Variants in ESR2 observed in about 807,000 individuals in gnomAD.
ESR2 encodes the protein estrogen receptor beta.
ESR2 carries 36 observed loss-of-function variants against 49.6 expected under a neutral mutation model. The ratio of observed to expected loss-of-function variants is 0.73; its 90% CI spans 0.56 to 0.96. ESR2 has a LOEUF of 0.96. ESR2 is among the 40% of genes least tolerant of loss of function. The pLI is 0.00. For missense variants in ESR2, 714 were observed against 693.0 expected, an observed-to-expected ratio of 1.03 and a Z score of -0.34; for synonymous variants, 320 against 266.1, an observed-to-expected ratio of 1.20 and a Z score of -1.97.
intron 1 of ESR2, among the ~76,000 whole-genome samples, chr14:64,326,245 T>G (rs2077388664): frequency 6.6e-6 from 1 of 152,090 alleles, no homozygotes. Context: ...ATCTTCTCTT[T>G]TTATTCTTTT....
intron 1 of ESR2, among the ~76,000 whole-genome samples, chr14:64,317,788 C>T (rs1444093758): frequency 2.6e-5 from 4 of 152,084 alleles, no homozygotes; most frequent in Non-Finnish European, 5.9e-5. Flanking sequence ...ACAGAAAAAG[C>T]ATGACAAAAT....
At position 64,257,287 on chromosome 14, in the gene ESR2, T is replaced by C; in HGVS notation, c.1030A>G (p.Met344Val). Residue 344 changes from methionine to valine, a missense_variant, in exon 6 of 9, where the codon ATG (methionine) becomes GTG (valine). Coordinates refer to ENST00000341099, the MANE Select transcript of ESR2 (RefSeq NM_001437.3). ...CCGGGGTGGTCAATTGAGCGCCACATCAGCCCCATCATTAACACCTCCATC... is the reference window on the plus strand; with the variant it reads ...CCGGGGTGGTCAATTGAGCGCCACACCAGCCCCATCATTAACACCTCCATC... Reference protein sequence around the residue: ...CWMEVLMMGLMWRSIDHPGKL... With the variant: ...CWMEVLMMGLVWRSIDHPGKL... 1 of 1,614,116 alleles carries C rather than the reference T, an allele frequency of 6.2e-7. No homozygotes were observed. Among genetic ancestry groups the C allele is most frequent in the Non-Finnish European group, 8.5e-7 (1 of 1,180,020 alleles).
At chr14:64,242,622 T>A (rs1019053807) in intron 7 of ESR2, among the ~76,000 whole-genome samples, 1 of 151,674 alleles carries the variant, frequency 6.6e-6, no homozygotes, top group African/African-American at 2.4e-5. Context: ...AAAAAAAAAA[T>A]TTAGAGAACT....
At chr14:64,288,638 G>A (rs1399046332) in intron 1 of ESR2, among the ~76,000 whole-genome samples, 4 of 149,756 alleles carry the variant, frequency 2.7e-5, no homozygotes, top group South Asian at 2.3e-4. Context: ...ATGAGCCACC[G>A]TGCCAGCCAA....
intron 3 of ESR2, 77 bp from the exon 4 acceptor site, chr14:64,268,988 A>C (rs1479390316): frequency 1.2e-6 from 1 of 855,164 alleles, no homozygotes. Context: ...AACAACACTG[A>C]TAACACTTTC....
intron 1 of ESR2, among the ~76,000 whole-genome samples, chr14:64,300,426 G>A (rs1457859437): frequency 2.0e-5 from 3 of 152,110 alleles, no homozygotes; most frequent in African/African-American, 7.2e-5. Flanking sequence ...ACTCAAGGGA[G>A]AAAATTCTTA....
chr14:64,327,364 C>T (rs564047050), intron 1 of ESR2, among the ~76,000 whole-genome samples: 6 of 151,710 alleles, frequency 4.0e-5, no homozygotes, highest in African/African-American at 1.5e-4. Flanking sequence ...AATTCGAGAC[C>T]AGCCTGGCCA....
chr14:64,228,792 A>C lies in ESR2; in HGVS notation c.*4345T>G, dbSNP rs567017333. 5.9e-5 allele frequency among the ~76,000 whole-genome samples: 9 copies of C among 152,192 alleles called. No individual in the cohort carries two copies. Among genetic ancestry groups the C allele is most frequent in the Non-Finnish European group, 1.3e-4 (9 of 68,046 alleles). On this transcript the variant is annotated 3_prime_UTR_variant, in exon 9 of 9. Transcript: ENST00000341099. ...AAGTGAATAGGATCCTCGGAATTAA[A>C]AAACAAACAAACAAACAAACAAAAA... is the stretch of plus-strand genomic sequence containing the variant.
chr14:64,302,305 G>T (rs934716048), intron 1 of ESR2, among the ~76,000 whole-genome samples: 2 of 151,690 alleles, frequency 1.3e-5, no homozygotes, highest in East Asian at 3.9e-4. Flanking sequence ...TCCTGCCTCG[G>T]CCTCCCAAAT....
intron 3 of ESR2, among the ~76,000 whole-genome samples, chr14:64,278,820 A>G (rs2076607782): frequency 6.6e-6 from 1 of 152,180 alleles, no homozygotes; most frequent in Admixed American, 6.5e-5. Flanking sequence ...AGGCCCCTCA[A>G]CCATCTGAAT....
intron 3 of ESR2, among the ~76,000 whole-genome samples, chr14:64,276,910 A>G (rs967551990): frequency 5.3e-5 from 8 of 152,250 alleles, no homozygotes; most frequent in Admixed American, 2.6e-4. Flanking sequence ...CTAGTGAACA[A>G]AATGGACAAA....
intron 1 of ESR2, among the ~76,000 whole-genome samples, chr14:64,323,340 T>A (rs2140897701): frequency 6.6e-6 from 1 of 152,246 alleles, no homozygotes; most frequent in South Asian, 2.1e-4. Context: ...CCCAGGTAGC[T>A]GGGACCACAG....
intron 1 of ESR2, among the ~76,000 whole-genome samples, chr14:64,287,206 T>TC (rs1033793470): frequency 2.6e-5 from 4 of 152,136 alleles, no homozygotes; most frequent in African/African-American, 9.6e-5. Context: ...TCCCCACTCC[T>TC]CCCTTCCCCC....
intron 1 of ESR2, chr14:64,329,782 T>C (rs1216271608): frequency 1.3e-5 from 2 of 152,238 alleles, no homozygotes; most frequent in East Asian, 3.8e-4. Flanking sequence ...TTTAAAGTTT[T>C]TTATGTCCTT....
intron 1 of ESR2, among the ~76,000 whole-genome samples, chr14:64,290,849 C>A (rs778365580): frequency 2.0e-5 from 3 of 152,174 alleles, no homozygotes; most frequent in Non-Finnish European, 4.4e-5. Flanking sequence ...TAAGGAAACC[C>A]TGTTTCCTTC....
chr14:64,260,871 T>A, intron 4 of ESR2, 123 bp from the exon 5 acceptor site: 1 of 873,294 alleles, frequency 1.1e-6, no homozygotes, highest in Non-Finnish European at 1.6e-6. Flanking sequence ...GTCGTGACCG[T>A]ACTAGCAAAA....
chr14:64,304,240 C>T (rs537647904), intron 1 of ESR2, among the ~76,000 whole-genome samples: 2 of 152,236 alleles, frequency 1.3e-5, no homozygotes, highest in African/African-American at 2.4e-5. Flanking sequence ...CCGGCAGGTT[C>T]GAGGCTGCAG....
rs550374985 is a variant in ESR2 at position 64,284,780 on chromosome 14, TTTTTTTCCCAATGCC to T, written c.-90-1720_-90-1706del. On this transcript the variant is annotated intron_variant, in intron 1 of 8. Coordinates refer to ENST00000341099, the MANE Select transcript of ESR2 (RefSeq NM_001437.3). ...ACTTTACTCATCAAGGCACATTGGC[TTTTTTTCCCAATGCC>T]TTTTTTCCACTGTCTTTTGCTGCCA... Among the ~76,000 whole-genome samples the T allele has an allele frequency of 2.8e-4, 42 of 152,266 alleles. No individual in the cohort carries two copies. In the East Asian group the frequency reaches 5.0e-3, roughly 18 times the overall value.
intron 6 of ESR2, among the ~76,000 whole-genome samples, chr14:64,254,712 C>A (rs967142552): frequency 6.6e-6 from 1 of 151,750 alleles, no homozygotes; most frequent in Non-Finnish European, 1.5e-5. Context: ...GAGCTGAGAT[C>A]ATGCCATCGT....
Sources: allele counts gnomAD v4.1 joint callset (sites outside exome capture counted in the v4.1 genomes callset), GRCh38; gene constraint gnomAD v4.1.1; transcripts MANE v1.5; gene names NCBI Gene and HGNC (gene_info 2026-07-23, HGNC 2026-07-21).